ZNF678: variants seen among roughly 807,000 people sequenced by gnomAD.
The protein encoded by ZNF678 is hypothetical protein MGC42493.
In ZNF678, 5 loss-of-function variants were observed where a neutral mutation model predicts 3.0. The observed-to-expected ratio is 1.69, with a 90% CI of 0.88 to 3.56. The LOEUF (loss-of-function observed/expected upper bound fraction) is 3.56. Ranked by LOEUF, ZNF678 falls within the 30% of genes most tolerant of loss-of-function variation. The pLI, the probability that ZNF678 is intolerant of heterozygous loss-of-function variation, is 0.00. For missense variants in ZNF678, 593 were observed against 605.0 expected, an observed-to-expected ratio of 0.98 and a Z score of 0.21; for synonymous variants, 218 against 199.6, an observed-to-expected ratio of 1.09 and a Z score of -0.78.
At chr1:227,667,018 T>C (rs969443408), downstream of ZNF678, among the ~76,000 whole-genome samples, 1 of 151,884 alleles carries the variant, frequency 6.6e-6, no homozygotes, top group Non-Finnish European at 1.5e-5. Context: ...GTGCTGGGAT[T>C]ACAGGCGTGA....
chr1:227,673,302 C>T (rs1183424193), intron 5 of ZNF678, among the ~76,000 whole-genome samples: 1 of 152,214 alleles, frequency 6.6e-6, no homozygotes, highest in African/African-American at 2.4e-5. Context: ...CACTGGAGGG[C>T]TCAAGACTGC....
chr1:227,579,635 C>G (rs1001682670), intron 1 of ZNF678, among the ~76,000 whole-genome samples: 3 of 152,152 alleles, frequency 2.0e-5, no homozygotes, highest in Admixed American at 1.3e-4. Flanking sequence ...TAGGGGTCAT[C>G]TCGCTGGAGG....
At chr1:227,633,650 C>G (rs1299663519) in intron 1 of ZNF678, among the ~76,000 whole-genome samples, 1 of 152,154 alleles carries the variant, frequency 6.6e-6, no homozygotes, top group Admixed American at 6.5e-5. Flanking sequence ...TCAGCTGACA[C>G]CCACCCAGGG....
chr1:227,613,341 G>A (rs1016168667), intron 1 of ZNF678, among the ~76,000 whole-genome samples: 1 of 152,110 alleles, frequency 6.6e-6, no homozygotes, highest in Non-Finnish European at 1.5e-5. Context: ...CTCAGATTAC[G>A]TTTTCCTCTT....
intron 1 of ZNF678, among the ~76,000 whole-genome samples, chr1:227,608,246 G>C (rs921165304): frequency 6.6e-6 from 1 of 151,906 alleles, no homozygotes; most frequent in Admixed American, 6.6e-5. Flanking sequence ...ACTTAAAATA[G>C]CATTTGGGTT....
chr1:227,579,718 T>G (rs1294201965), intron 1 of ZNF678, among the ~76,000 whole-genome samples: 1 of 152,028 alleles, frequency 6.6e-6, no homozygotes, highest in Non-Finnish European at 1.5e-5. Context: ...AAGACTGCCC[T>G]GCAAGCAGAC....
intron 1 of ZNF678, among the ~76,000 whole-genome samples, chr1:227,626,599 G>A (rs1012190104): frequency 6.6e-5 from 10 of 152,266 alleles, no homozygotes; most frequent in African/African-American, 1.4e-4. Context: ...AGGAAGGGCC[G>A]TCCATACAGC....
rs1571906808 is a variant in ZNF678, at chr1:227,640,309, G to T, written c.-163-6235G>T. Among the ~76,000 whole-genome samples the T allele has an allele frequency of 2.0e-5, 3 of 152,222 alleles. No individual in the cohort carries two copies. In the South Asian group the frequency reaches 6.2e-4, roughly 32 times the overall value. ...GATACAGTTGACTGGGAAGATGGCA[G>T]CTGGGAAGATGGCTGAGAAGACAAC... is the stretch of plus-strand genomic sequence containing the variant. On this transcript the variant is annotated intron_variant, in intron 1 of 3. Transcript: ENST00000343776.
rs1346049364 is a variant in ZNF678 at position 227,662,033 on chromosome 1, A to C, written c.*6205A>C. 1 of 152,236 alleles carries C rather than the reference A, an allele frequency of 6.6e-6. No individual in the cohort carries two copies. Among genetic ancestry groups the C allele is most frequent in the Admixed American group, 6.5e-5 (1 of 15,276 alleles). The allele number at this position is 152,236 out of a possible 1,614,324, so 9.4% of individuals were successfully genotyped here. ...TCAGACCAGGAAATTCCAATACATC[A>C]GTGCATGTGGAGGACATGAGTATTT... On this transcript the variant is annotated 3_prime_UTR_variant, in exon 4 of 4. Transcript: ENST00000343776.
rs187111252 is a variant in ZNF678, at chr1:227,571,869, C to T, written c.-164+8145C>T. ...CATCCTGGCTAACATGGTGAAACCC[C>T]GTCTCTACTAAAAATACAAAAAATT... On this transcript the variant is annotated intron_variant, in intron 1 of 3. Coordinates refer to ENST00000343776, the MANE Select transcript of ZNF678 (RefSeq NM_001367909.1). 4.2e-3 allele frequency among the ~76,000 whole-genome samples: 643 copies of T among 152,230 alleles called. 3 individuals carry two copies. Among genetic ancestry groups the T allele is most frequent in the African/African-American group, 0.014 (598 of 41,550 alleles).
chr1:227,612,555 C>T (rs999064805), intron 1 of ZNF678, among the ~76,000 whole-genome samples: 1 of 152,166 alleles, frequency 6.6e-6, no homozygotes, highest in African/African-American at 2.4e-5. Flanking sequence ...GGCAAATTAC[C>T]TTACCTACAT....
chr1:227,563,806 G>A (rs894053694), intron 1 of ZNF678, 82 bp downstream of exon 1: 2 of 1,246,788 alleles, frequency 1.6e-6, no homozygotes, highest in Admixed American at 4.6e-5. Context: ...CGGAGTCCCG[G>A]CTGGCACCTG....
intron 1 of ZNF678, among the ~76,000 whole-genome samples, chr1:227,599,593 A>T (rs1319162400): frequency 1.3e-5 from 2 of 152,184 alleles, no homozygotes; most frequent in Non-Finnish European, 2.9e-5. Context: ...TGTATTAATT[A>T]GATTTTAGAT....
chr1:227,571,832 G>A (rs1173498052), intron 1 of ZNF678, among the ~76,000 whole-genome samples: 2 of 152,194 alleles, frequency 1.3e-5, no homozygotes, highest in Non-Finnish European at 2.9e-5. Context: ...CACAAGGTCA[G>A]GAGATCGAGA....
intron 1 of ZNF678, among the ~76,000 whole-genome samples, chr1:227,578,311 G>C (rs1354522375): frequency 6.6e-6 from 1 of 152,190 alleles, no homozygotes; most frequent in African/African-American, 2.4e-5. Flanking sequence ...AGTTCTCGTG[G>C]ATGACATCCT....
At chr1:227,665,919 C>T (rs936380176), downstream of ZNF678, among the ~76,000 whole-genome samples, 5 of 152,002 alleles carry the variant, frequency 3.3e-5, no homozygotes, top group East Asian at 1.9e-4. Flanking sequence ...TCCTGTATGC[C>T]GTTTGGCTGT....
chr1:227,576,451 T>C (rs1656988778), intron 1 of ZNF678, among the ~76,000 whole-genome samples: 1 of 152,220 alleles, frequency 6.6e-6, no homozygotes, highest in Non-Finnish European at 1.5e-5. Context: ...GGTTTGAATT[T>C]ATTCCTAGTT....
At chr1:227,677,580 C>G (rs1368530641), downstream of ZNF678, 1 of 152,218 alleles carries the variant, frequency 6.6e-6, no homozygotes, top group Non-Finnish European at 1.5e-5. Flanking sequence ...GCAGGGGACT[C>G]TTCCCTACCC....
At chr1:227,664,087 C>T (rs1659462074), downstream of ZNF678, among the ~76,000 whole-genome samples, 1 of 152,064 alleles carries the variant, frequency 6.6e-6, no homozygotes, top group Admixed American at 6.5e-5. Flanking sequence ...GGGACACTTC[C>T]ATTAAAAGTT....
Sources: allele counts gnomAD v4.1 joint callset (sites outside exome capture counted in the v4.1 genomes callset), GRCh38; gene constraint gnomAD v4.1.1; transcripts MANE v1.5; gene names NCBI Gene and HGNC (gene_info 2026-07-23, HGNC 2026-07-21).